Variants in CCSER1 observed in about 807,000 individuals in gnomAD.
The protein encoded by CCSER1 is serine-rich coiled-coil domain-containing protein 1.
Under a neutral mutation model 82.0 loss-of-function variants are expected in CCSER1, and 41 were observed. That is an observed-to-expected ratio of 0.50 (90% CI 0.39 to 0.65). The LOEUF is 0.65. Ranked by LOEUF, CCSER1 falls within the 30% of genes least tolerant of loss-of-function variation. The pLI is 0.00. For missense variants in CCSER1, 1,119 were observed against 1,064.2 expected (o/e 1.05, Z -0.72); for synonymous variants, 414 against 383.9 (o/e 1.08, Z -0.92).
intron 1 of CCSER1, among the ~76,000 whole-genome samples, chr4:90,234,377 C>T (rs1295556738): frequency 6.6e-6 from 1 of 152,026 alleles, no homozygotes; most frequent in Non-Finnish European, 1.5e-5. Context: ...CCACCACGCC[C>T]AGCTAATTTT....
rs905257999 is a variant in CCSER1 at position 91,307,346 on chromosome 4, A to G, written c.2217+221352A>G. ...CTTATCTTGCTATTTCCTTTCAAGA[A>G]CTTTTTCTATGATGCTTTTTTTTCT... On this transcript the variant is annotated intron_variant, in intron 10 of 10. Coordinates refer to ENST00000509176, the MANE Select transcript of CCSER1 (RefSeq NM_001145065.2). Among the ~76,000 whole-genome samples the G allele has an allele frequency of 3.2e-4, 36 of 111,068 alleles. 1 individual carries two copies. The highest frequency in any genetic ancestry group is 1.3e-3 in the African/African-American group (36 of 28,138). 72.9% of individuals were successfully genotyped at this position (111,068 alleles called of 152,430 possible).
rs181181236 is a variant in CCSER1, at chr4:91,071,503, T to C, written c.2173-14447T>C. Among the ~76,000 whole-genome samples, 606 of 152,270 alleles carry C rather than the reference T, an allele frequency of 4.0e-3. 4 individuals carry two copies. Among genetic ancestry groups the C allele is most frequent in the African/African-American group, 0.014 (576 of 41,546 alleles). On this transcript the variant is annotated intron_variant, in intron 9 of 10. Transcript: ENST00000509176. ...GCCTATGGTGGAAGAATGCTTGGCA[T>C]GTTAAGAACTATCAAGAGAGTCATA...
chr4:90,619,950 A>G lies in CCSER1; in HGVS notation c.1725-8075A>G, dbSNP rs151251125. 2.1e-3 allele frequency among the ~76,000 whole-genome samples: 320 copies of G among 152,230 alleles called. 1 individual carries two copies. The highest frequency in any genetic ancestry group is 7.5e-3 in the African/African-American group (312 of 41,582). The stretch of plus-strand genomic sequence containing the variant: ...TACTCATGACATTAATGGCATGGAG[A>G]AAAGGTACTGAACATACACAGTCAC... On this transcript the variant is annotated intron_variant, in intron 5 of 10. Coordinates refer to ENST00000509176, the MANE Select transcript of CCSER1 (RefSeq NM_001145065.2).
At chr4:90,918,170 T>G (rs1309470216) in intron 8 of CCSER1, 1 of 392,934 alleles carries the variant, frequency 2.5e-6, no homozygotes, top group Non-Finnish European at 5.1e-6. Flanking sequence ...TTGTATTAAC[T>G]AACATACTAG....
chr4:91,104,486 A>G (rs1260654941), intron 10 of CCSER1, among the ~76,000 whole-genome samples: 2 of 151,944 alleles, frequency 1.3e-5, no homozygotes, highest in East Asian at 3.9e-4. Context: ...ACACTTATGG[A>G]AAATAGACAG....
At chr4:90,471,686 C>T (rs1764421381) in intron 5 of CCSER1, among the ~76,000 whole-genome samples, 2 of 151,378 alleles carry the variant, frequency 1.3e-5, no homozygotes, top group Non-Finnish European at 2.9e-5. Context: ...AAAAAAAATA[C>T]TAGATAGGGC....
chr4:90,260,424 T>C (rs540561893), intron 1 of CCSER1, among the ~76,000 whole-genome samples: 9 of 152,330 alleles, frequency 5.9e-5, no homozygotes, highest in African/African-American at 2.2e-4. Flanking sequence ...GTTTTATAAA[T>C]CTGGGAGCTC....
At chr4:90,274,652 A>G (rs968850399) in intron 1 of CCSER1, among the ~76,000 whole-genome samples, 3 of 152,052 alleles carry the variant, frequency 2.0e-5, no homozygotes, top group Admixed American at 2.0e-4. Flanking sequence ...TATTTTTTAT[A>G]CCTTACTTTA....
intron 10 of CCSER1, among the ~76,000 whole-genome samples, chr4:91,305,826 C>G (rs554321344): frequency 3.6e-4 from 55 of 152,040 alleles, no homozygotes; most frequent in African/African-American, 1.3e-3. Flanking sequence ...AGGAGCAAGG[C>G]GCCTCTTACA....
intron 10 of CCSER1, among the ~76,000 whole-genome samples, chr4:91,467,967 A>G (rs1452020278): frequency 1.3e-5 from 2 of 152,228 alleles, no homozygotes; most frequent in Non-Finnish European, 2.9e-5. Flanking sequence ...ATCTAGAACT[A>G]GAAGTGCCAT....
intron 9 of CCSER1, among the ~76,000 whole-genome samples, chr4:91,036,459 T>C (rs1741442477): frequency 6.6e-6 from 1 of 152,146 alleles, no homozygotes; most frequent in Admixed American, 6.6e-5. Context: ...TCCAGACTCC[T>C]ACTCCCTGCC....
intron 10 of CCSER1, among the ~76,000 whole-genome samples, chr4:91,115,782 G>T (rs774242243): frequency 1.6e-4 from 22 of 140,016 alleles, no homozygotes; most frequent in Non-Finnish European, 2.1e-4. Context: ...TCCTCCTCTT[G>T]CTCCCTGCCT....
chr4:90,454,879 A>G (rs768284228), intron 4 of CCSER1, among the ~76,000 whole-genome samples: 1 of 152,158 alleles, frequency 6.6e-6, no homozygotes, highest in Non-Finnish European at 1.5e-5. Context: ...GAGAAAAGCA[A>G]ATTTGGACCT....
intron 8 of CCSER1, among the ~76,000 whole-genome samples, chr4:90,854,615 C>T (rs1040389478): frequency 6.6e-6 from 1 of 152,136 alleles, no homozygotes; most frequent in Non-Finnish European, 1.5e-5. Flanking sequence ...TTCCATCCTC[C>T]AAGACCTCTA....
intron 5 of CCSER1, among the ~76,000 whole-genome samples, chr4:90,503,578 A>G (rs1770245346): frequency 6.6e-6 from 1 of 151,928 alleles, no homozygotes; most frequent in East Asian, 1.9e-4. Flanking sequence ...CAACCCCATA[A>G]CAGGCCCCAG....
chr4:90,986,488 C>T (rs189489133), intron 9 of CCSER1, among the ~76,000 whole-genome samples: 4 of 151,634 alleles, frequency 2.6e-5, no homozygotes, highest in African/African-American at 9.7e-5. Context: ...ATATATGAAC[C>T]TGTATTTAAA....
intron 5 of CCSER1, among the ~76,000 whole-genome samples, chr4:90,543,184 A>G (rs1037183489): frequency 3.3e-5 from 5 of 152,084 alleles, no homozygotes; most frequent in African/African-American, 1.2e-4. Flanking sequence ...GTGGTTGTGG[A>G]ATAGAAATTA....
intron 9 of CCSER1, among the ~76,000 whole-genome samples, chr4:91,052,440 G>A (rs1052555668): frequency 2.0e-5 from 3 of 151,872 alleles, no homozygotes; most frequent in African/African-American, 7.3e-5. Context: ...ATAATCTATT[G>A]TATTTATTAC....
intron 10 of CCSER1, among the ~76,000 whole-genome samples, chr4:91,100,497 C>A (rs1724951352): frequency 6.6e-6 from 1 of 152,108 alleles, no homozygotes; most frequent in Non-Finnish European, 1.5e-5. Context: ...CCATGACAAT[C>A]AATGATATCC....
Sources: allele counts gnomAD v4.1 joint callset (sites outside exome capture counted in the v4.1 genomes callset), GRCh38; gene constraint gnomAD v4.1.1; transcripts MANE v1.5; gene names NCBI Gene and HGNC (gene_info 2026-07-23, HGNC 2026-07-21).